The following ZSCAN18 variants were observed in gnomAD, a reference collection of about 807,000 sequenced individuals.
The protein encoded by ZSCAN18 is zinc finger and SCAN domain-containing protein 18.
A neutral mutation model predicts 31.1 loss-of-function variants in ZSCAN18; 16 were observed. That is an observed-to-expected ratio of 0.51 (90% CI 0.35 to 0.78). The LOEUF is 0.78. Ranked by LOEUF, ZSCAN18 falls within the 30% of genes least tolerant of loss-of-function variation. The pLI is 0.01. For missense variants in ZSCAN18, 731 were observed against 697.4 expected, an observed-to-expected ratio of 1.05 and a Z score of -0.54; for synonymous variants, 375 against 320.7, an observed-to-expected ratio of 1.17 and a Z score of -1.81.
In ZSCAN18 at chr19:58,084,676, C is replaced by T. The variant is rs1383106083; in HGVS notation, c.*9G>A. On this transcript the variant is annotated 3_prime_UTR_variant, in exon 7 of 7. Coordinates refer to ENST00000601144, the MANE Select transcript of ZSCAN18 (RefSeq NM_001145543.2). This position sits in a 1 kb window ranked among gnomAD's most constrained non-coding sequence, Gnocchi z 4.5. Reference sequence around the variant, plus strand: ...AAGCGGCCCCTCCGGAACGGGACAGCACAGCGGCTCACCTCTGCGCCTCTG... The same window carrying T: ...AAGCGGCCCCTCCGGAACGGGACAGTACAGCGGCTCACCTCTGCGCCTCTG... 2.7e-6 allele frequency: 4 copies of T among 1,484,398 alleles called. 1 individual carries two copies. The Admixed American group carries it at 9.5e-5, about 35-fold the overall frequency. The allele number at this position is 1,484,398 out of a possible 1,614,324, so 92.0% of individuals were successfully genotyped here. A position where few individuals can be genotyped will look rare whatever the true frequency, so the allele number is the denominator to read the frequency against.
At chr19:58,104,324 A>G (rs964096881) in intron 1 of ZSCAN18, among the ~76,000 whole-genome samples, 9 of 151,570 alleles carry the variant, frequency 5.9e-5, no homozygotes, top group African/African-American at 2.2e-4. Context: ...GGTTGCAGTG[A>G]GCTGAGATCG....
rs775768783 is a variant in ZSCAN18 at position 58,090,120 on chromosome 19, G to A, written c.148C>T (p.Leu50=). The A allele has an allele frequency of 3.1e-6, 5 of 1,613,836 alleles. No individual in the cohort carries two copies. In the South Asian group the frequency reaches 4.4e-5, roughly 14 times the overall value. The change falls in exon 2 of 7, where the codon CTG becomes TTG. Residue 50 remains leucine (L), a synonymous_variant. Coordinates refer to ENST00000601144, the MANE Select transcript of ZSCAN18 (RefSeq NM_001145543.2). The surrounding 1 kb of genome is among the most constrained non-coding windows in gnomAD (Gnocchi z 4.7). The part of the protein sequence containing the change: ...RTPADLEFSR[L]RFREFVYQEA... ...TGGTAGACAAATTCCCGGAAACGCAGGCGGGAGAACTCCAGGTCAGCAGGG... is the reference window on the plus strand; with the variant it reads ...TGGTAGACAAATTCCCGGAAACGCAAGCGGGAGAACTCCAGGTCAGCAGGG...
At chr19:58,107,263 T>C (rs2074641970) in intron 1 of ZSCAN18, among the ~76,000 whole-genome samples, 1 of 151,952 alleles carries the variant, frequency 6.6e-6, no homozygotes, top group Admixed American at 6.6e-5. Context: ...GGGTTTAAAA[T>C]ATTCAGCACA....
intron 1 of ZSCAN18, chr19:58,108,229 T>C: frequency 2.0e-6 from 2 of 985,618 alleles, no homozygotes; most frequent in South Asian, 9.4e-5. Flanking sequence ...GTGTGATCAA[T>C]GAAGGCCTTT....
chr19:58,091,042 G>T (rs1225446034), intron 1 of ZSCAN18, among the ~76,000 whole-genome samples: 1 of 151,556 alleles, frequency 6.6e-6, no homozygotes, highest in Non-Finnish European at 1.5e-5. Flanking sequence ...GGCTGAGATG[G>T]GTGGATAACC....
At chr19:58,106,183 C>T (rs146996242) in intron 1 of ZSCAN18, among the ~76,000 whole-genome samples, 62 of 152,220 alleles carry the variant, frequency 4.1e-4, no homozygotes, top group African/African-American at 1.4e-3. Flanking sequence ...AAGAGGATCA[C>T]TTCGGCACAG....
upstream of ZSCAN18, among the ~76,000 whole-genome samples, chr19:58,099,594 T>C (rs1173861550): frequency 3.9e-5 from 6 of 152,220 alleles, no homozygotes; most frequent in Non-Finnish European, 8.8e-5. Context: ...TTCACTTTTC[T>C]GGGATAAAAG....
intron 3 of ZSCAN18, chr19:58,088,136 A>C (rs1177242955): frequency 6.5e-6 from 1 of 153,788 alleles, no homozygotes; most frequent in African/African-American, 2.4e-5. Context: ...CCAGAGCCTC[A>C]CATATGGGCA....
upstream of ZSCAN18, among the ~76,000 whole-genome samples, chr19:58,102,485 CAAA>C (rs556796651): frequency 0.017 from 2,513 of 151,966 alleles, 32 homozygotes; most frequent in Non-Finnish European, 0.023. Context: ...AACAAACAAA[CAAA>C]CAAACCATAT....
chr19:58,101,964 G>A (rs1378740520), upstream of ZSCAN18, among the ~76,000 whole-genome samples: 3 of 151,796 alleles, frequency 2.0e-5, no homozygotes, highest in Non-Finnish European at 2.9e-5. Flanking sequence ...GGCCTTCTAA[G>A]CAGCCAGAGA....
At position 58,090,505 on chromosome 19, in the gene ZSCAN18, G is replaced by C; in HGVS notation, c.-119-119C>G. The C allele has an allele frequency of 1.1e-6, 1 of 903,578 alleles. No individual in the cohort carries two copies. Among genetic ancestry groups the C allele is most frequent in the Non-Finnish European group, 1.6e-6 (1 of 608,788 alleles). The allele number at this position is 903,578 out of a possible 1,614,324, so 56.0% of individuals were successfully genotyped here. On this transcript the variant is annotated intron_variant, in intron 1 of 6. Coordinates refer to ENST00000601144, the MANE Select transcript of ZSCAN18 (RefSeq NM_001145543.2). The surrounding 1 kb of genome is among the most constrained non-coding windows in gnomAD (Gnocchi z 4.7). ...ACACAGATTTCCAAGAAACCCGCTTGTTAGGCATCAGTAGAACCTCAGTGT... is the reference window on the plus strand; with the variant it reads ...ACACAGATTTCCAAGAAACCCGCTTCTTAGGCATCAGTAGAACCTCAGTGT...
chr19:58,085,626 A>T, intron 6 of ZSCAN18: 1 of 520,214 alleles, frequency 1.9e-6, no homozygotes, highest in East Asian at 3.3e-5. Flanking sequence ...GACAGGAAGG[A>T]CAGCCCCACT....
At chr19:58,102,061 C>T (rs1216476228), upstream of ZSCAN18, among the ~76,000 whole-genome samples, 1 of 151,872 alleles carries the variant, frequency 6.6e-6, no homozygotes, top group Non-Finnish European at 1.5e-5. Context: ...CACATGCATA[C>T]ACACACACAC....
chr19:58,091,433 C>T (rs1288188173), intron 1 of ZSCAN18, among the ~76,000 whole-genome samples: 1 of 151,936 alleles, frequency 6.6e-6, no homozygotes, highest in Admixed American at 6.6e-5. Context: ...CACTGAACAA[C>T]CACCCACCTC....
Position 58,090,424 on chromosome 19 carries a change from G to T in ZSCAN18, c.-119-38C>A, listed in dbSNP as rs1445833472. 1 of 1,462,058 alleles carries T rather than the reference G, an allele frequency of 6.8e-7. No homozygotes were observed. The highest frequency in any genetic ancestry group is 2.5e-5 in the East Asian group (1 of 40,372). 90.6% of individuals were successfully genotyped at this position (1,462,058 alleles called of 1,614,324 possible). A position where few individuals can be genotyped will look rare whatever the true frequency, so the allele number is the denominator to read the frequency against. ...CGGACAAGGCAATGGCCTTGCATAA[G>T]GCCAGGGCGCAGCCACCCCAGCTGC... On this transcript the variant is annotated intron_variant, in intron 1 of 6. Transcript: ENST00000601144. This position sits in a 1 kb window ranked among gnomAD's most constrained non-coding sequence, Gnocchi z 4.7.
intron 1 of ZSCAN18, among the ~76,000 whole-genome samples, chr19:58,105,966 G>A (rs1447992425): frequency 6.6e-6 from 1 of 152,060 alleles, no homozygotes; most frequent in Non-Finnish European, 1.5e-5. Context: ...GCAACAGAGT[G>A]AGAATCCTTA....
At chr19:58,089,220 G>A (rs7256664) in intron 2 of ZSCAN18, among the ~76,000 whole-genome samples, 33,966 of 136,006 alleles carry the variant, frequency 0.25, 4,198 homozygotes, top group East Asian at 0.36. Context: ...GGAGAATGGC[G>A]TGAACCCGGG....
In ZSCAN18 at chr19:58,084,940, C is replaced by T. The variant is rs2074233337; in HGVS notation, c.1278G>A (p.Ser426=). 1.9e-6 allele frequency: 3 copies of T among 1,596,832 alleles called. No individual in the cohort carries two copies. Among genetic ancestry groups the T allele is most frequent in the African/African-American group, 2.7e-5 (2 of 74,756 alleles). The change falls in exon 7 of 7, where the codon TCG becomes TCA. Residue 426 remains serine, a synonymous_variant. Coordinates refer to ENST00000601144, the MANE Select transcript of ZSCAN18 (RefSeq NM_001145543.2). This position sits in a 1 kb window ranked among gnomAD's most constrained non-coding sequence, Gnocchi z 4.5. ...GGCTGCTGTGGTGCTCCATCAGGTG[C>T]GAGAGCCACGCGAAGGCCTCCCCGC... ...GECGEAFAWL[S]HLMEHHSSHG...
chr19:58,113,053 C>T (rs951854133), intron 1 of ZSCAN18, among the ~76,000 whole-genome samples: 9 of 151,132 alleles, frequency 6.0e-5, no homozygotes, highest in Non-Finnish European at 1.2e-4. Flanking sequence ...CAGTGGCTCA[C>T]GTCTGTAATT....
Sources: allele counts gnomAD v4.1 joint callset (sites outside exome capture counted in the v4.1 genomes callset), GRCh38; gene constraint gnomAD v4.1.1; non-coding constraint Gnocchi (gnomAD v3.1); transcripts MANE v1.5; gene names NCBI Gene and HGNC (gene_info 2026-07-23, HGNC 2026-07-21).